The following BRAP variants were observed in gnomAD, a reference collection of about 807,000 sequenced individuals.
BRAP encodes the protein BRCA1 associated protein, also known as BRCA1-associated protein.
Under a neutral mutation model 73.4 loss-of-function variants are expected in BRAP, and 42 were observed. That is an observed-to-expected ratio of 0.57 (90% CI 0.45 to 0.74). The LOEUF (loss-of-function observed/expected upper bound fraction) is 0.74, where lower values mean the gene tolerates loss of function less well. BRAP is among the 30% of genes least tolerant of loss of function. BRAP has a pLI of 0.00. For missense variants in BRAP, 593 were observed against 751.4 expected (o/e 0.79, Z 2.46); for synonymous variants, 255 against 267.4 (o/e 0.95, Z 0.45).
rs762355673 is a variant in BRAP at position 111,672,660 on chromosome 12, C to T, written c.747+1G>A. The T allele has an allele frequency of 1.2e-6, 2 of 1,606,788 alleles. No homozygotes were observed. Among genetic ancestry groups the T allele is most frequent in the South Asian group, 2.2e-5 (2 of 90,506 alleles). On this transcript the variant is annotated splice_donor_variant, in intron 5 of 11. Coordinates refer to ENST00000419234, the MANE Select transcript of BRAP (RefSeq NM_006768.5). LOFTEE classifies it high-confidence loss of function. ...TAAATATAGGAACAATTCACACTTA[C>T]ATCTTCAGATTTGAGCACTTCAGCT...
chr12:111,680,948 T>A (rs981492187), intron 3 of BRAP, among the ~76,000 whole-genome samples: 1 of 152,188 alleles, frequency 6.6e-6, no homozygotes, highest in Non-Finnish European at 1.5e-5. Context: ...AAAATTGTAA[T>A]GAGTTAACTG....
intron 4 of BRAP, among the ~76,000 whole-genome samples, chr12:111,674,840 A>C (rs1002961817): frequency 6.6e-6 from 1 of 152,170 alleles, no homozygotes. Flanking sequence ...CAAAGTCAGC[A>C]CATGGATTCA....
Position 111,649,965 on chromosome 12 carries a change from T to C in BRAP, c.1389A>G (p.Leu463=). The change falls in exon 11 of 12, where the codon CTA becomes CTG. Residue 463 remains leucine (L), a synonymous_variant. Transcript: ENST00000419234. ...TTCTTTCCACAGACTGCTTTTCTTT[T>C]AGGAGATCATTTAGTTTGTGCTCTA... ...DNLEHKLNDL[L]KEKQSVERKC... The C allele has an allele frequency of 2.5e-6, 4 of 1,610,682 alleles. No individual in the cohort carries two copies. The highest frequency in any genetic ancestry group is 1.1e-5 in the South Asian group (1 of 90,910).
At chr12:111,655,418 T>A in intron 10 of BRAP, 148 bp downstream of exon 10, 1 of 561,130 alleles carries the variant, frequency 1.8e-6, no homozygotes, top group East Asian at 2.9e-5. Flanking sequence ...AAGTTTCTTT[T>A]TAGTGGCAAA....
intron 3 of BRAP, 35 bp downstream of exon 3, chr12:111,681,602 A>T (rs1178537891): frequency 2.7e-6 from 4 of 1,476,170 alleles, no homozygotes; most frequent in South Asian, 1.3e-5. Context: ...AAAAAAAAAA[A>T]TTGACTAACC....
At chr12:111,654,917 C>A (rs1355087410) in intron 10 of BRAP, among the ~76,000 whole-genome samples, 2 of 152,176 alleles carry the variant, frequency 1.3e-5, no homozygotes, top group African/African-American at 2.4e-5. Flanking sequence ...CATAATTATA[C>A]ACAATTATAC....
chr12:111,685,569 A>C, intron 1 of BRAP, 142 bp downstream of exon 1: 2 of 1,365,194 alleles, frequency 1.5e-6, no homozygotes, highest in Non-Finnish European at 9.5e-7. Context: ...CGGATGGGAA[A>C]GAGAGGGATC....
Position 111,655,572 on chromosome 12 carries a change from T to G in BRAP, c.1305A>C (p.Ala435=). The G allele has an allele frequency of 6.2e-7, 1 of 1,612,342 alleles. No individual in the cohort carries two copies. The highest frequency in any genetic ancestry group is 8.5e-7 in the Non-Finnish European group (1 of 1,178,348). Residue 435 remains alanine, a synonymous_variant, in exon 10 of 12, where the codon GCA becomes GCC. Transcript: ENST00000419234. The part of the protein sequence containing the change: ...NKIVRIEKDT[A]EEINNMKTKF... Reference sequence around the variant, plus strand: ...CCAAACCAAACAGACTTACTTCCTCTGCTGTGTCCTTCTCTATCCGAACTA... The same window carrying G: ...CCAAACCAAACAGACTTACTTCCTCGGCTGTGTCCTTCTCTATCCGAACTA...
chr12:111,646,083 A>C (rs886118686), intron 11 of BRAP, among the ~76,000 whole-genome samples: 2 of 152,034 alleles, frequency 1.3e-5, no homozygotes, highest in South Asian at 4.1e-4. Flanking sequence ...GTCACTTTGA[A>C]ATCAGCCCGG....
At position 111,685,085 on chromosome 12, in the gene BRAP, C is replaced by G. The variant is rs538272201; in HGVS notation, c.82+626G>C. Among the ~76,000 whole-genome samples the G allele has an allele frequency of 9.2e-5, 14 of 152,344 alleles. No homozygotes were observed. The South Asian group carries it at 2.7e-3, about 29-fold the overall frequency. ...GTTAATGGTGTAAAAAGCTCAGACT[C>G]AAGTCCAGCTCACTGAGTTAGAATC... On this transcript the variant is annotated intron_variant, in intron 1 of 11. Coordinates refer to ENST00000419234, the MANE Select transcript of BRAP (RefSeq NM_006768.5).
At chr12:111,650,256 G>C (rs1398443326) in intron 10 of BRAP, among the ~76,000 whole-genome samples, 2 of 152,022 alleles carry the variant, frequency 1.3e-5, no homozygotes, top group Non-Finnish European at 2.9e-5. Context: ...GATTAAAAAT[G>C]CCGGGAAATC....
intron 6 of BRAP, among the ~76,000 whole-genome samples, chr12:111,662,208 G>A (rs536426883): frequency 2.0e-5 from 3 of 152,256 alleles, no homozygotes; most frequent in South Asian, 4.1e-4. Flanking sequence ...CAGAAAGTGG[G>A]TTATAGCTGA....
chr12:111,671,984 A>G (rs1413662642), intron 5 of BRAP, among the ~76,000 whole-genome samples: 2 of 152,054 alleles, frequency 1.3e-5, no homozygotes, highest in Non-Finnish European at 2.9e-5. Context: ...CAGCCTCCCA[A>G]AGAGCTGGGA....
Position 111,685,697 on chromosome 12 carries a change from G to T in BRAP, c.82+14C>A, listed in dbSNP as rs750575540. On this transcript the variant is annotated intron_variant, in intron 1 of 11. Coordinates refer to ENST00000419234, the MANE Select transcript of BRAP (RefSeq NM_006768.5). Reference sequence around the variant, plus strand: ...ACCCGGCTACAGGGAATGCGGCGAGGCCGCGGGACTCACCCGCGGCGCTGA... The same window carrying T: ...ACCCGGCTACAGGGAATGCGGCGAGTCCGCGGGACTCACCCGCGGCGCTGA... 1 of 1,598,736 alleles carries T rather than the reference G, an allele frequency of 6.3e-7. No individual in the cohort carries two copies. Among genetic ancestry groups the T allele is most frequent in the Non-Finnish European group, 8.5e-7 (1 of 1,175,234 alleles).
At chr12:111,677,619 G>C (rs919718696) in intron 4 of BRAP, among the ~76,000 whole-genome samples, 7 of 152,166 alleles carry the variant, frequency 4.6e-5, no homozygotes, top group Admixed American at 2.6e-4. Flanking sequence ...AGAAGCCATC[G>C]ATAAACGTTG....
chr12:111,660,449 A>G, intron 7 of BRAP, 151 bp downstream of exon 7: 1 of 568,328 alleles, frequency 1.8e-6, no homozygotes, highest in Non-Finnish European at 2.5e-6. Context: ...CAGGAGTTCG[A>G]GACCAGCCTG....
At chr12:111,644,613 G>A in intron 11 of BRAP, 51 bp from the exon 12 acceptor site, 2 of 1,584,812 alleles carry the variant, frequency 1.3e-6, no homozygotes, top group Non-Finnish European at 1.7e-6. Flanking sequence ...TGCTGACACA[G>A]TCCCCTTTCT....
At chr12:111,664,241 A>C (rs1393577439) in intron 6 of BRAP, among the ~76,000 whole-genome samples, 1 of 152,172 alleles carries the variant, frequency 6.6e-6, no homozygotes, top group Non-Finnish European at 1.5e-5. Flanking sequence ...CTGAGGCGAG[A>C]GGATCACTTG....
intron 10 of BRAP, among the ~76,000 whole-genome samples, chr12:111,653,809 A>G (rs1001807709): frequency 1.3e-5 from 2 of 152,230 alleles, no homozygotes; most frequent in African/African-American, 4.8e-5. Context: ...TGCATCATCC[A>G]TTAACTTATG....
Sources: gnomAD v4.1 joint callset for allele counts (sites outside exome capture counted in the v4.1 genomes callset) on GRCh38, gnomAD v4.1.1 for gene constraint, MANE v1.5 for transcripts, NCBI Gene and HGNC (gene_info 2026-07-23, HGNC 2026-07-21) for gene names.